The following MAPK9 variants were observed in gnomAD, a reference collection of about 807,000 sequenced individuals.
The protein encoded by MAPK9 is mitogen-activated protein kinase 9.
MAPK9 carries 30 observed loss-of-function variants against 57.1 expected under a neutral mutation model. That is an observed-to-expected ratio of 0.53 (90% confidence interval 0.39 to 0.71). The LOEUF is 0.71. Ranked by LOEUF, MAPK9 falls within the 30% of genes least tolerant of loss-of-function variation. MAPK9 has a pLI of 0.00. For synonymous variants in MAPK9, 155 were observed against 177.0 expected, an observed-to-expected ratio of 0.88 and a Z score of 0.99; for missense variants, 362 against 521.0, an observed-to-expected ratio of 0.69 and a Z score of 2.97.
intron 1 of MAPK9, among the ~76,000 whole-genome samples, chr5:180,285,727 C>T (rs890375029): frequency 2.0e-5 from 3 of 151,820 alleles, no homozygotes; most frequent in Admixed American, 1.3e-4. Flanking sequence ...AGTTCCAGAC[C>T]AGCCTGGGCA....
intron 1 of MAPK9, among the ~76,000 whole-genome samples, chr5:180,291,561 G>A (rs950090398): frequency 6.6e-6 from 1 of 152,102 alleles, no homozygotes; most frequent in African/African-American, 2.4e-5. Flanking sequence ...CCCGGCGCAG[G>A]AGTGCAGCTG....
At chr5:180,236,658 G>A in intron 11 of MAPK9, 132 bp from the exon 12 acceptor site, 1 of 902,590 alleles carries the variant, frequency 1.1e-6, no homozygotes. Flanking sequence ...GTATAGACAA[G>A]AAGTCAGTCA....
rs1033813893 is a variant in MAPK9 at position 180,268,174 on chromosome 5, G to A, written c.252+1106C>T. On this transcript the variant is annotated intron_variant, in intron 3 of 11. Coordinates refer to ENST00000452135, the MANE Select transcript of MAPK9 (RefSeq NM_002752.5). ...CAACGTTATCAACATAATGCTCAGC[G>A]ACCACTAGGAGAACAAACAATGTGC... Among the ~76,000 whole-genome samples the A allele has an allele frequency of 7.2e-5, 11 of 152,116 alleles. No homozygotes were observed. In the East Asian group the frequency reaches 1.2e-3, roughly 16 times the overall value.
intron 4 of MAPK9, 31 bp downstream of exon 4, chr5:180,264,750 C>T (rs1581241719): frequency 3.9e-6 from 6 of 1,525,040 alleles, no homozygotes; most frequent in Non-Finnish European, 5.3e-6. Flanking sequence ...CTTTGATGTA[C>T]AGTGCATTAC....
At chr5:180,262,592 T>C (rs950558005) in intron 4 of MAPK9, among the ~76,000 whole-genome samples, 1 of 151,140 alleles carries the variant, frequency 6.6e-6, no homozygotes, top group African/African-American at 2.4e-5. Flanking sequence ...ACAGCCATCA[T>C]GCCTGGATAG....
chr5:180,250,306 G>C (rs1758543462), intron 5 of MAPK9, among the ~76,000 whole-genome samples: 1 of 152,140 alleles, frequency 6.6e-6, no homozygotes, highest in Non-Finnish European at 1.5e-5. Flanking sequence ...TCTTCCTGCT[G>C]ATCCTCCACC....
chr5:180,259,807 G>A (rs1446599713), intron 5 of MAPK9, among the ~76,000 whole-genome samples: 1 of 152,216 alleles, frequency 6.6e-6, no homozygotes, highest in Non-Finnish European at 1.5e-5. Context: ...TCAAACTGGA[G>A]AGAAACCCTA....
chr5:180,272,461 TTC>T (rs752583430), intron 2 of MAPK9, among the ~76,000 whole-genome samples: 10 of 152,238 alleles, frequency 6.6e-5, no homozygotes, highest in Non-Finnish European at 1.3e-4. Flanking sequence ...ATCAGTCATG[TTC>T]TCTCTGTATC....
intron 1 of MAPK9, among the ~76,000 whole-genome samples, chr5:180,288,091 A>C (rs1762930868): frequency 6.6e-6 from 1 of 152,182 alleles, no homozygotes; most frequent in African/African-American, 2.4e-5. Context: ...GGGTACCTCT[A>C]GATAAGAAGT....
intron 5 of MAPK9, among the ~76,000 whole-genome samples, chr5:180,260,264 G>C (rs965868205): frequency 3.3e-5 from 5 of 152,178 alleles, no homozygotes; most frequent in Admixed American, 6.5e-5. Flanking sequence ...TGAAAGACAT[G>C]ATGTATGCAA....
In MAPK9 at chr5:180,274,756, A is replaced by G. The variant is rs35035728; in HGVS notation, c.123-5347T>C. Among the ~76,000 whole-genome samples the G allele has an allele frequency of 3.9e-5, 6 of 152,336 alleles. No individual in the cohort carries two copies. The East Asian group carries it at 1.2e-3, about 29-fold the overall frequency. The stretch of plus-strand genomic sequence containing the variant: ...CTGACTATAGAACTATGAGATAATC[A>G]ATAGGTGTTGTTTTAAACAACTAAG... On this transcript the variant is annotated intron_variant, in intron 2 of 11. Coordinates refer to ENST00000452135, the MANE Select transcript of MAPK9 (RefSeq NM_002752.5).
chr5:180,270,777 G>C (rs1487414423), intron 2 of MAPK9, among the ~76,000 whole-genome samples: 1 of 150,906 alleles, frequency 6.6e-6, no homozygotes, highest in Non-Finnish European at 1.5e-5. Flanking sequence ...CTTGAGCCGG[G>C]GGTCGAGACT....
intron 1 of MAPK9, among the ~76,000 whole-genome samples, chr5:180,284,046 TTTGGG>T (rs1437075682): frequency 2.0e-5 from 3 of 152,174 alleles, no homozygotes; most frequent in African/African-American, 4.8e-5. Context: ...CTCTGTCAAG[TTTGGG>T]CTTTGTGAGA....
In MAPK9 at chr5:180,258,683, G is replaced by C. The variant is rs141607343; in HGVS notation, c.450+3001C>G. Among the ~76,000 whole-genome samples the C allele has an allele frequency of 2.2e-4, 34 of 152,112 alleles. 1 individual carries two copies. The East Asian group carries it at 6.6e-3, about 29-fold the overall frequency. On this transcript the variant is annotated intron_variant, in intron 5 of 11. Transcript: ENST00000452135. ...TGGGATAAAGGCTTCAGTCGGTTCA[G>C]TTACCTCCAAACACATGAGAGAACT... is the stretch of plus-strand genomic sequence containing the variant.
At chr5:180,269,700 T>C (rs1453450747) in intron 2 of MAPK9, among the ~76,000 whole-genome samples, 1 of 152,180 alleles carries the variant, frequency 6.6e-6, no homozygotes, top group Non-Finnish European at 1.5e-5. Flanking sequence ...TAATTTAATA[T>C]AGAGTGCATA....
chr5:180,247,865 C>T lies in MAPK9; in HGVS notation c.617-355G>A, dbSNP rs780180217. ...CCCTGTGAAGGATACAGTCTCTTCC[C>T]GGGAACAGGACTTTATGGAGGACCA... On this transcript the variant is annotated intron_variant, in intron 6 of 11. Transcript: ENST00000452135. This position sits in a 1 kb window ranked among gnomAD's most constrained non-coding sequence, Gnocchi z 4.5. 25 of 1,613,952 alleles carry T rather than the reference C, an allele frequency of 1.5e-5. No individual in the cohort carries two copies. The highest frequency in any genetic ancestry group is 2.2e-5 in the East Asian group (1 of 44,886).
At chr5:180,280,645 G>A (rs555141422) in intron 1 of MAPK9, 37 bp from the exon 2 acceptor site, 11 of 1,520,022 alleles carry the variant, frequency 7.2e-6, no homozygotes, top group African/African-American at 2.7e-5. Flanking sequence ...CATTCTTACC[G>A]GAAGTACATA....
chr5:180,238,781 G>A (rs1464863149), intron 10 of MAPK9, among the ~76,000 whole-genome samples: 2 of 151,942 alleles, frequency 1.3e-5, no homozygotes, highest in Non-Finnish European at 2.9e-5. Context: ...GCTAACTTTT[G>A]TAGTTTTTGT....
In MAPK9 at chr5:180,279,755, T is replaced by C. The variant is rs1416629111; in HGVS notation, c.122+685A>G. The stretch of plus-strand genomic sequence containing the variant: ...AATAAGGGGTAAAAAGTGTGGGAAG[T>C]GCTGATAGCTGCAGTCTAGGAAACA... On this transcript the variant is annotated intron_variant, in intron 2 of 11. Coordinates refer to ENST00000452135, the MANE Select transcript of MAPK9 (RefSeq NM_002752.5). 9.1e-6 allele frequency: 4 copies of C among 440,662 alleles called. No individual in the cohort carries two copies. In the East Asian group the frequency reaches 2.9e-4, roughly 31 times the overall value. 27.3% of individuals were successfully genotyped at this position (440,662 alleles called of 1,614,324 possible).
Sources: gnomAD v4.1 joint callset for allele counts (sites outside exome capture counted in the v4.1 genomes callset) on GRCh38, gnomAD v4.1.1 for gene constraint, Gnocchi (gnomAD v3.1) non-coding constraint, MANE v1.5 for transcripts, NCBI Gene and HGNC (gene_info 2026-07-23, HGNC 2026-07-21) for gene names.